BRINP3: variants seen among roughly 807,000 people sequenced by gnomAD.
BRINP3 encodes the protein BMP/retinoic acid inducible neural specific 3.
BRINP3 carries 19 observed loss-of-function variants against 71.0 expected under a neutral mutation model. The ratio of observed to expected loss-of-function variants is 0.27; its 90% confidence interval spans 0.19 to 0.39. The LOEUF is 0.39. Among genes scored for constraint, BRINP3 ranks in the 10% least tolerant of loss-of-function variants. The pLI is 1.00. For missense variants in BRINP3, 959 were observed against 940.8 expected (o/e 1.02, Z -0.25); for synonymous variants, 380 against 337.7 (o/e 1.13, Z -1.37).
chr1:190,231,402 C>G (rs1336380855), intron 5 of BRINP3, among the ~76,000 whole-genome samples: 1 of 151,778 alleles, frequency 6.6e-6, no homozygotes, highest in East Asian at 1.9e-4. Context: ...AGTCCTGTGT[C>G]AAATTCATTT....
chr1:190,456,046 C>T (rs1675963048), intron 1 of BRINP3, among the ~76,000 whole-genome samples: 1 of 152,074 alleles, frequency 6.6e-6, no homozygotes, highest in Non-Finnish European at 1.5e-5. Flanking sequence ...TGAGTTCTTA[C>T]TCAGCAAAAC....
chr1:190,098,613 A>G lies in BRINP3; in HGVS notation c.1706T>C (p.Leu569Ser), dbSNP rs1341971697. Residue 569 changes from leucine (L) to serine (S), a missense_variant, in exon 8 of 8, where the codon TTG (leucine) becomes TCG (serine). Coordinates refer to ENST00000367462, the MANE Select transcript of BRINP3 (RefSeq NM_199051.3). ...LTKNSTLEPV[L>S]AVYVNPFGGS... ...TCCGAAGGGATTGACATAAACAGCC[A>G]ACACTGGCTCCAAGGTGCTGTTTTT... is the stretch of plus-strand genomic sequence containing the variant. 9 of 1,614,202 alleles carry G rather than the reference A, an allele frequency of 5.6e-6. No individual in the cohort carries two copies. Among genetic ancestry groups the G allele is most frequent in the Non-Finnish European group, 7.6e-6 (9 of 1,180,038 alleles).
At chr1:190,301,154 C>CAT (rs1240838542) in intron 2 of BRINP3, among the ~76,000 whole-genome samples, 48 of 108,650 alleles carry the variant, frequency 4.4e-4, no homozygotes, top group East Asian at 1.1e-3. Context: ...TACACACATA[C>CAT]ATATATATAT....
In BRINP3 at chr1:190,098,200, T is replaced by C. The variant is rs1651366310; in HGVS notation, c.2119A>G (p.Arg707Gly). The change falls in exon 8 of 8, where the codon AGA becomes GGA. Residue 707 changes from arginine to glycine, a missense_variant. Transcript: ENST00000367462. ...GGGGAGAGTTTATTTACACGGTCTC[T>C]GATCTCTAGTAGTTGCAAAAGTGCT... is the stretch of plus-strand genomic sequence containing the variant. ...DSALLQLLEI[R>G]DRVNKLSPPG... 3.1e-6 allele frequency: 5 copies of C among 1,614,076 alleles called. 1 individual carries two copies. The highest frequency in any genetic ancestry group is 3.3e-5 in the Admixed American group (2 of 60,004).
chr1:190,426,358 C>T (rs568243388), intron 2 of BRINP3, among the ~76,000 whole-genome samples: 1 of 151,862 alleles, frequency 6.6e-6, no homozygotes, highest in South Asian at 2.1e-4. Flanking sequence ...ATGTACTACG[C>T]CCAGAAGATA....
intron 3 of BRINP3, among the ~76,000 whole-genome samples, chr1:190,273,242 T>C (rs1662268002): frequency 6.6e-6 from 1 of 151,496 alleles, no homozygotes; most frequent in Non-Finnish European, 1.5e-5. Context: ...AAAACTGAAA[T>C]AGTGTTATTC....
At chr1:190,441,549 T>G (rs1171037) in intron 2 of BRINP3, among the ~76,000 whole-genome samples, 41,329 of 151,886 alleles carry the variant, frequency 0.27, 6,786 homozygotes, top group Non-Finnish European at 0.37. Context: ...GGATATATTT[T>G]TTATTATTAT....
chr1:190,286,592 C>T (rs534813645), intron 2 of BRINP3, among the ~76,000 whole-genome samples: 2 of 152,124 alleles, frequency 1.3e-5, no homozygotes, highest in African/African-American at 4.8e-5. Context: ...TTACCTTTAA[C>T]TGTTAATTTC....
At chr1:190,242,678 C>G (rs1032623053) in intron 4 of BRINP3, among the ~76,000 whole-genome samples, 7 of 151,554 alleles carry the variant, frequency 4.6e-5, no homozygotes, top group African/African-American at 1.7e-4. Flanking sequence ...TTTTTATTTG[C>G]CTTTTACAGG....
chr1:190,369,223 G>GAAATAT, intron 2 of BRINP3, among the ~76,000 whole-genome samples: 2 of 151,772 alleles, frequency 1.3e-5, no homozygotes, highest in Non-Finnish European at 2.9e-5. Context: ...ATTATAATCG[G>GAAATAT]GACTCCAACA....
chr1:190,316,151 T>C (rs1367729192), intron 2 of BRINP3, among the ~76,000 whole-genome samples: 2 of 151,192 alleles, frequency 1.3e-5, no homozygotes. Flanking sequence ...ACCAGGAAAA[T>C]CAGCATTGGA....
At chr1:190,471,225 G>T (rs574111914) in intron 1 of BRINP3, among the ~76,000 whole-genome samples, 1 of 151,106 alleles carries the variant, frequency 6.6e-6, no homozygotes, top group Non-Finnish European at 1.5e-5. Context: ...TAAGAACTTG[G>T]CCAGGACTTC....
intron 1 of BRINP3, among the ~76,000 whole-genome samples, chr1:190,457,661 T>C (rs895205424): frequency 3.3e-5 from 5 of 152,104 alleles, no homozygotes; most frequent in African/African-American, 1.2e-4. Context: ...TGTGGTAAAG[T>C]TTTAAGTTAT....
chr1:190,442,690 T>G (rs1490998938), intron 2 of BRINP3, among the ~76,000 whole-genome samples: 1 of 151,734 alleles, frequency 6.6e-6, no homozygotes, highest in East Asian at 1.9e-4. Context: ...GTGTATTTTC[T>G]TCAAATGTGT....
chr1:190,135,487 G>A (rs1654895020), intron 7 of BRINP3, among the ~76,000 whole-genome samples: 1 of 151,894 alleles, frequency 6.6e-6, no homozygotes, highest in Non-Finnish European at 1.5e-5. Flanking sequence ...CATACAAATG[G>A]GCAACAGAAA....
intron 2 of BRINP3, among the ~76,000 whole-genome samples, chr1:190,430,474 T>A (rs1674020834): frequency 6.6e-6 from 1 of 152,132 alleles, no homozygotes; most frequent in Non-Finnish European, 1.5e-5. Context: ...TCTACATTTC[T>A]TTGCACTGAG....
chr1:190,190,889 G>T (rs537037252), intron 6 of BRINP3, among the ~76,000 whole-genome samples: 13 of 152,090 alleles, frequency 8.5e-5, no homozygotes, highest in African/African-American at 2.2e-4. Flanking sequence ...AAATAGAATA[G>T]GATGGTATGT....
chr1:190,456,519 C>T lies in BRINP3; in HGVS notation c.-50-1579G>A, dbSNP rs188318527. Among the ~76,000 whole-genome samples the T allele has an allele frequency of 7.8e-3, 1,185 of 151,908 alleles. 20 individuals carry two copies. Among genetic ancestry groups the T allele is most frequent in the African/African-American group, 0.027 (1,138 of 41,456 alleles). On this transcript the variant is annotated intron_variant, in intron 1 of 7. Coordinates refer to ENST00000367462, the MANE Select transcript of BRINP3 (RefSeq NM_199051.3). ...TTTTCTATTATCTATATAAATGTAC[C>T]ATTGTCAAATGATTCAACTCCTAAC...
intron 7 of BRINP3, among the ~76,000 whole-genome samples, chr1:190,144,193 C>A (rs1655694089): frequency 6.6e-6 from 1 of 152,134 alleles, no homozygotes; most frequent in Non-Finnish European, 1.5e-5. Flanking sequence ...CCCCCTCCCC[C>A]TTTTTATTTC....
Sources: gnomAD v4.1 joint callset for allele counts (sites outside exome capture counted in the v4.1 genomes callset) on GRCh38, gnomAD v4.1.1 for gene constraint, MANE v1.5 for transcripts, NCBI Gene and HGNC (gene_info 2026-07-23, HGNC 2026-07-21) for gene names.